The following LAMA3 variants were observed in gnomAD, a reference collection of about 807,000 sequenced individuals.
LAMA3 encodes laminin subunit alpha-3.
In LAMA3, 281 loss-of-function variants were observed where a neutral mutation model predicts 402.0. That is an observed-to-expected ratio of 0.70 (90% CI 0.63 to 0.77). The LOEUF (loss-of-function observed/expected upper bound fraction) is 0.77. Among genes scored for constraint, LAMA3 ranks in the 30% least tolerant of loss-of-function variants. LAMA3 has a pLI of 0.00. For missense variants in LAMA3, 3,840 were observed against 4,215.5 expected (o/e 0.91, Z 2.47); for synonymous variants, 1,431 against 1,558.4 (o/e 0.92, Z 1.93).
At chr18:23,808,306 CATAAT>C (rs2063002553) in intron 12 of LAMA3, among the ~76,000 whole-genome samples, 1 of 151,108 alleles carries the variant, frequency 6.6e-6, no homozygotes, top group African/African-American at 2.5e-5. Context: ...ACTTATAATA[CATAAT>C]ATAATGTAAA....
chr18:23,935,535 G>A (rs1327209368), intron 67 of LAMA3, among the ~76,000 whole-genome samples: 2 of 152,186 alleles, frequency 1.3e-5, no homozygotes. Flanking sequence ...ACAGCTTAGT[G>A]GTTAAGTACT....
chr18:23,945,237 C>T (rs545611222), intron 69 of LAMA3, among the ~76,000 whole-genome samples: 4 of 152,334 alleles, frequency 2.6e-5, no homozygotes, highest in African/African-American at 9.6e-5. Context: ...CAGCAGGGGG[C>T]CCACATGGCT....
chr18:23,875,952 A>C (rs966723545), intron 38 of LAMA3, among the ~76,000 whole-genome samples: 6 of 152,224 alleles, frequency 3.9e-5, no homozygotes, highest in African/African-American at 1.4e-4. Flanking sequence ...GAGAAAAACA[A>C]GTGGACATGA....
At chr18:23,917,794 A>T (rs1185512554) in intron 60 of LAMA3, among the ~76,000 whole-genome samples, 1 of 151,960 alleles carries the variant, frequency 6.6e-6, no homozygotes, top group Non-Finnish European at 1.5e-5. Flanking sequence ...ATTTTCTTCC[A>T]TTCTGTGGGT....
At position 23,758,412 on chromosome 18, in the gene LAMA3, C is replaced by G. The variant is rs745516805; in HGVS notation, c.964C>G (p.Gln322Glu). Residue 322 changes from glutamine to glutamate, a missense_variant, in exon 7 of 75, where the codon CAG becomes GAG. Physicochemically the swap from Gln to Glu is conservative, Grantham distance 29. Coordinates refer to ENST00000313654, the MANE Select transcript of LAMA3 (RefSeq NM_198129.4). Reference protein sequence around the residue: ...NPEKLFRCECQHHTCGETCDR... With the variant: ...NPEKLFRCECEHHTCGETCDR... ...CATGCCCAGGTTTCGGTGTGAATGCCAGCACCACACCTGTGGGGAGACGTG... is the reference window on the plus strand; with the variant it reads ...CATGCCCAGGTTTCGGTGTGAATGCGAGCACCACACCTGTGGGGAGACGTG... 3 of 1,613,910 alleles carry G rather than the reference C, an allele frequency of 1.9e-6. No homozygotes were observed. Among genetic ancestry groups the G allele is most frequent in the Non-Finnish European group, 2.5e-6 (3 of 1,179,798 alleles).
chr18:23,802,087 C>A (rs62094789), intron 12 of LAMA3, among the ~76,000 whole-genome samples: 2 of 152,182 alleles, frequency 1.3e-5, no homozygotes, highest in Admixed American at 6.5e-5. Flanking sequence ...CCAAAATGCT[C>A]CCGCATCCAG....
intron 60 of LAMA3, among the ~76,000 whole-genome samples, chr18:23,917,113 G>A (rs1383751776): frequency 1.3e-5 from 2 of 152,026 alleles, no homozygotes; most frequent in East Asian, 1.9e-4. Flanking sequence ...AAGTGAGAAC[G>A]TGTGGTATTT....
chr18:23,752,120 G>A (rs1317068475), intron 5 of LAMA3, among the ~76,000 whole-genome samples: 2 of 152,158 alleles, frequency 1.3e-5, no homozygotes, highest in Non-Finnish European at 2.9e-5. Flanking sequence ...GGCACCTTGG[G>A]TGTAGGTGGC....
Position 23,833,980 on chromosome 18 carries a change from C to A in LAMA3, c.2976C>A (p.Cys992Ter). The part of the protein sequence containing the change: ...VLAGQVNIYS[C>*]NYSVLCRSAV... ...CAGGCCAGGTGAACATTTACAGCTGCAACTACAGGTACTCAGCCCCACCAA... is the reference window on the plus strand; with the variant it reads ...CAGGCCAGGTGAACATTTACAGCTGAAACTACAGGTACTCAGCCCCACCAA... Residue 992 changes from cysteine to a stop codon, truncating the protein, a stop_gained, in exon 24 of 75, where the codon TGC becomes TGA. Coordinates refer to ENST00000313654, the MANE Select transcript of LAMA3 (RefSeq NM_198129.4). LOFTEE classifies it high-confidence loss of function. 1 of 1,614,204 alleles carries A rather than the reference C, an allele frequency of 6.2e-7. No homozygotes were observed. Among genetic ancestry groups the A allele is most frequent in the Non-Finnish European group, 8.5e-7 (1 of 1,180,036 alleles).
rs747363245 is a variant in LAMA3 at position 23,915,269 on chromosome 18, A to T, written c.7645-20A>T. 1.2e-6 allele frequency: 2 copies of T among 1,612,162 alleles called. No homozygotes were observed. Among genetic ancestry groups the T allele is most frequent in the Non-Finnish European group, 1.7e-6 (2 of 1,179,064 alleles). On this transcript the variant is annotated intron_variant, in intron 58 of 74. Coordinates refer to ENST00000313654, the MANE Select transcript of LAMA3 (RefSeq NM_198129.4). ...TTGTCCTTTGTTCAATTGGTGGAAG[A>T]TGTTTTATTTCATTTTCAGCTTCCC...
intron 14 of LAMA3, 61 bp from the exon 15 acceptor site, chr18:23,814,342 C>T (rs1191459918): frequency 2.2e-5 from 28 of 1,245,286 alleles, no homozygotes; most frequent in Non-Finnish European, 3.1e-5. Flanking sequence ...TGCTCACGCA[C>T]AGGTTTGAAA....
intron 54 of LAMA3, among the ~76,000 whole-genome samples, chr18:23,908,816 C>T (rs1302424655): frequency 1.3e-5 from 2 of 152,108 alleles, no homozygotes. Flanking sequence ...GGGTAGACAG[C>T]AAGGATATGC....
chr18:23,950,232 A>G, intron 72 of LAMA3, 73 bp downstream of exon 72: 1 of 1,567,466 alleles, frequency 6.4e-7, no homozygotes, highest in Non-Finnish European at 8.8e-7. Context: ...ACAGCGGGTC[A>G]GGTTTGTAGT....
At chr18:23,738,247 C>CT (rs1400607342) in intron 2 of LAMA3, among the ~76,000 whole-genome samples, 2 of 151,634 alleles carry the variant, frequency 1.3e-5, no homozygotes, top group African/African-American at 4.8e-5. Context: ...GAGGCGTTTT[C>CT]TTTGGGATGG....
intron 12 of LAMA3, among the ~76,000 whole-genome samples, chr18:23,792,241 T>G (rs1176066944): frequency 6.6e-6 from 1 of 152,156 alleles, no homozygotes; most frequent in Non-Finnish European, 1.5e-5. Context: ...TGAGATTGGG[T>G]AGTTTATAAA....
Position 23,725,561 on chromosome 18 carries a change from G to T in LAMA3, c.447+11489G>T, listed in dbSNP as rs142823533. On this transcript the variant is annotated intron_variant, in intron 2 of 74. Coordinates refer to ENST00000313654, the MANE Select transcript of LAMA3 (RefSeq NM_198129.4). ...TGGGGAGTGAGCTAAGGAGGTCTGG[G>T]GCTCCCCATAAGGGGGGCTCCAGCA... Among the ~76,000 whole-genome samples the T allele has an allele frequency of 3.9e-3, 592 of 152,214 alleles. 5 individuals are homozygous for T. Among genetic ancestry groups the T allele is most frequent in the African/African-American group, 0.014 (568 of 41,538 alleles).
intron 55 of LAMA3, among the ~76,000 whole-genome samples, chr18:23,912,303 A>G (rs1372418962): frequency 2.0e-5 from 3 of 151,678 alleles, no homozygotes; most frequent in African/African-American, 7.3e-5. Flanking sequence ...CTGGCTTAAA[A>G]TATAGTTTTA....
At chr18:23,773,394 A>T in intron 8 of LAMA3, 103 bp from the exon 9 acceptor site, 1 of 792,362 alleles carries the variant, frequency 1.3e-6, no homozygotes, top group Non-Finnish European at 2.2e-6. Context: ...CTTCAAAATT[A>T]CAATTGTATA....
At chr18:23,762,943 G>T (rs943429769) in intron 7 of LAMA3, among the ~76,000 whole-genome samples, 2 of 151,456 alleles carry the variant, frequency 1.3e-5, no homozygotes, top group Non-Finnish European at 2.9e-5. Context: ...TGCAACCTCC[G>T]CCTTCTGGGT....
Sources: allele counts gnomAD v4.1 joint callset (sites outside exome capture counted in the v4.1 genomes callset), GRCh38; gene constraint gnomAD v4.1.1; transcripts MANE v1.5; gene names NCBI Gene and HGNC (gene_info 2026-07-23, HGNC 2026-07-21).